The following POLE variants were observed in gnomAD, a reference collection of about 807,000 sequenced individuals.
POLE encodes DNA polymerase epsilon, catalytic subunit.
In POLE, 188 loss-of-function variants were observed where a neutral mutation model predicts 279.2. The observed-to-expected ratio is 0.67, with a 90% confidence interval of 0.60 to 0.76. The LOEUF is 0.76. Ranked by LOEUF, POLE falls within the 30% of genes least tolerant of loss-of-function variation. POLE has a pLI of 0.00. For synonymous variants in POLE, 1,214 were observed against 1,172.5 expected (o/e 1.04, Z -0.72); for missense variants, 2,703 against 3,016.7 (o/e 0.90, Z 2.44).
chr12:132,678,856 G>C (rs1342486293), intron 6 of POLE, among the ~76,000 whole-genome samples: 2 of 152,226 alleles, frequency 1.3e-5, no homozygotes, highest in Non-Finnish European at 2.9e-5. Flanking sequence ...TCAAGTCTCT[G>C]AGGACTCAGT....
chr12:132,646,805 G>A (rs368768846), intron 32 of POLE, among the ~76,000 whole-genome samples: 1 of 35,388 alleles, frequency 2.8e-5, no homozygotes, highest in African/African-American at 3.0e-4. Context: ...GACTCCAGCC[G>A]GGCAACAGGA....
In POLE at chr12:132,672,611, C is replaced by T. The variant is rs1370051272; in HGVS notation, c.1686+16G>A. ...ACAAGAGTGGGAAGAATCTGAATCCCAGGGAAGAAGCACACCATCCTAAAC... is the reference window on the plus strand; with the variant it reads ...ACAAGAGTGGGAAGAATCTGAATCCTAGGGAAGAAGCACACCATCCTAAAC... On this transcript the variant is annotated intron_variant, in intron 15 of 48. Transcript: ENST00000320574. The T allele has an allele frequency of 1.9e-6, 3 of 1,612,340 alleles. No individual in the cohort carries two copies. The highest frequency in any genetic ancestry group is 1.7e-5 in the Admixed American group (1 of 60,004).
intron 26 of POLE, among the ~76,000 whole-genome samples, chr12:132,658,881 CAAAAAAAAAAAAAAA>C (rs1167117347): frequency 5.9e-5 from 2 of 33,840 alleles, no homozygotes; most frequent in South Asian, 1.5e-3. Context: ...ATATAACCAC[CAAAAAAAAAAAAAAA>C]AAAAAAAAAA....
At chr12:132,671,198 G>A (rs1006231251) in intron 16 of POLE, among the ~76,000 whole-genome samples, 2 of 139,450 alleles carry the variant, frequency 1.4e-5, no homozygotes, top group Admixed American at 8.1e-5. Flanking sequence ...AGGAGGCAAA[G>A]GTTGCAGTAA....
At chr12:132,677,999 G>A (rs1362070913) in intron 6 of POLE, among the ~76,000 whole-genome samples, 4 of 152,082 alleles carry the variant, frequency 2.6e-5, no homozygotes, top group Non-Finnish European at 4.4e-5. Flanking sequence ...CCAACACGAC[G>A]AAACCTCATC....
In POLE at chr12:132,676,122, G is replaced by A. The variant is rs1440925386; in HGVS notation, c.992C>T (p.Pro331Leu). The A allele has an allele frequency of 6.2e-7, 1 of 1,610,886 alleles. No homozygotes were observed. The highest frequency in any genetic ancestry group is 2.2e-5 in the East Asian group (1 of 44,866). The change falls in exon 10 of 49, where the codon CCC becomes CTC. Residue 331 changes from proline (P) to leucine (L), a missense_variant. Transcript: ENST00000320574. Reference protein sequence around the residue: ...EFTPKPEYEGPFCVFNEPDEA... With the variant: ...EFTPKPEYEGLFCVFNEPDEA... ...ATCGGGTTCATTGAAGACACAAAAG[G>A]GGCCTTCATATTCTGGCTTGGGGGT...
In POLE at chr12:132,634,864, C is replaced by A. The variant is rs537840496; in HGVS notation, c.5812-486G>T. Among the ~76,000 whole-genome samples the A allele has an allele frequency of 2.3e-4, 35 of 151,930 alleles. No homozygotes were observed. Among genetic ancestry groups the A allele is most frequent in the African/African-American group, 8.5e-4 (35 of 41,402 alleles). Reference sequence around the variant, plus strand: ...CCACACGCTGATCCCCTCCTCAGAGCGGTCTACACTGCCTGAGTTTCTACC... The same window carrying A: ...CCACACGCTGATCCCCTCCTCAGAGAGGTCTACACTGCCTGAGTTTCTACC... On this transcript the variant is annotated intron_variant, in intron 42 of 48. Transcript: ENST00000320574. This position sits in a 1 kb window ranked among gnomAD's most constrained non-coding sequence, Gnocchi z 4.0.
At chr12:132,671,754 T>C (rs1261157772) in intron 16 of POLE, among the ~76,000 whole-genome samples, 3 of 150,798 alleles carry the variant, frequency 2.0e-5, no homozygotes, top group Non-Finnish European at 2.9e-5. Flanking sequence ...AGAACTGGTG[T>C]CTCCCTCTCC....
intron 12 of POLE, among the ~76,000 whole-genome samples, chr12:132,674,978 C>T (rs1014459536): frequency 7.9e-5 from 12 of 152,120 alleles, no homozygotes; most frequent in African/African-American, 2.7e-4. Flanking sequence ...CCCCGAACGC[C>T]GTGACTCTCC....
intron 29 of POLE, 33 bp from the exon 30 acceptor site, chr12:132,649,922 G>C (rs765358011): frequency 6.3e-7 from 1 of 1,597,160 alleles, no homozygotes; most frequent in South Asian, 1.1e-5. Context: ...TAAATCTCAG[G>C]ATCTCGGGCT....
chr12:132,644,303 G>A (rs1030763803), intron 32 of POLE, among the ~76,000 whole-genome samples: 1 of 149,546 alleles, frequency 6.7e-6, no homozygotes, highest in African/African-American at 2.5e-5. Flanking sequence ...CTGGGACAAG[G>A]AACACACCAC....
chr12:132,642,777 AAAG>A (rs1452675473), intron 36 of POLE, 40 bp downstream of exon 36: 6 of 1,613,136 alleles, frequency 3.7e-6, no homozygotes, highest in Non-Finnish European at 5.1e-6. Context: ...ACCCAGCCTC[AAAG>A]AAGATGGGGC....
In POLE at chr12:132,664,924, C is replaced by T. The variant is rs1390152041; in HGVS notation, c.2468+378G>A. 6.8e-6 allele frequency among the ~76,000 whole-genome samples: 1 copy of T among 146,244 alleles called. No homozygotes were observed. Among genetic ancestry groups the T allele is most frequent in the Non-Finnish European group, 1.5e-5 (1 of 66,512 alleles). ...CCGGCACCAGCCCCATGCCCCTTGT[C>T]AGTTGCTTCTCTGCCCCTCCCGGAC... On this transcript the variant is annotated intron_variant, in intron 21 of 48. Coordinates refer to ENST00000320574, the MANE Select transcript of POLE (RefSeq NM_006231.4). This position sits in a 1 kb window ranked among gnomAD's most constrained non-coding sequence, Gnocchi z 5.3.
At chr12:132,673,781 C>T (rs2042985259) in intron 12 of POLE, 74 bp from the exon 13 acceptor site, 1 of 1,565,342 alleles carries the variant, frequency 6.4e-7, no homozygotes, top group African/African-American at 1.3e-5. Flanking sequence ...ACTGGCAAAA[C>T]TGGGCACCAC....
At chr12:132,672,124 G>C (rs1406403000) in intron 16 of POLE, 91 bp downstream of exon 16, 8 of 865,136 alleles carry the variant, frequency 9.2e-6, no homozygotes, top group Admixed American at 1.8e-5. Context: ...ACCACACGCA[G>C]CAGGTGCACA....
chr12:132,657,853 G>A lies in POLE; in HGVS notation c.3378+15C>T, dbSNP rs574954983. 88 of 1,547,214 alleles carry A rather than the reference G, an allele frequency of 5.7e-5. No individual in the cohort carries two copies. In the South Asian group the frequency reaches 9.1e-4, roughly 16 times the overall value. On this transcript the variant is annotated intron_variant, in intron 27 of 48. Transcript: ENST00000320574. ...TTGTAAACTTTTAAGAGTAGAGAACGCAACTGGCACTCACTGCTCGAATAT... is the reference window on the plus strand; with the variant it reads ...TTGTAAACTTTTAAGAGTAGAGAACACAACTGGCACTCACTGCTCGAATAT...
Position 132,633,212 on chromosome 12 carries a change from G to A in POLE, c.6005-417C>T, listed in dbSNP as rs116542191. ...CAGTTTCATTCTTGTTGCCCAGACT[G>A]TAGTGCAATGGCGCAATCTCAGCTC... On this transcript the variant is annotated intron_variant, in intron 43 of 48. Coordinates refer to ENST00000320574, the MANE Select transcript of POLE (RefSeq NM_006231.4). 816 of 158,474 alleles carry A rather than the reference G, an allele frequency of 5.1e-3. 7 individuals are homozygous for A. The highest frequency in any genetic ancestry group is 0.019 in the African/African-American group (754 of 39,352). 9.8% of individuals were successfully genotyped at this position (158,474 alleles called of 1,614,324 possible).
At position 132,672,278 on chromosome 12, in the gene POLE, G is replaced by C. The variant is rs1164316162; in HGVS notation, c.1731C>G (p.Thr577=). The C allele has an allele frequency of 5.0e-6, 8 of 1,614,214 alleles. No individual in the cohort carries two copies. The highest frequency in any genetic ancestry group is 1.3e-5 in the African/African-American group (1 of 75,062). ...FDFLLQRVEK[T]LRHALEEEEK... ...CCTCTTCCTCAAGGGCGTGGCGCAA[G>C]GTCTTCTCAACCCGCTGCAGCAGGA... The change falls in exon 16 of 49, where the codon ACC becomes ACG. Residue 577 remains threonine, a synonymous_variant. Transcript: ENST00000320574.
chr12:132,649,666 G>A lies in POLE; in HGVS notation c.3795+11C>T, dbSNP rs2042374591. The A allele has an allele frequency of 6.2e-7, 1 of 1,613,546 alleles. No individual in the cohort carries two copies. The highest frequency in any genetic ancestry group is 2.2e-5 in the East Asian group (1 of 44,876). On this transcript the variant is annotated intron_variant, in intron 30 of 48. Coordinates refer to ENST00000320574, the MANE Select transcript of POLE (RefSeq NM_006231.4). ...CTCAGAGACAGACAGTATCACAGCT[G>A]TGTGCCTTACCTGGCTGGTTCCCAG...
Sources: gnomAD v4.1 joint callset for allele counts (sites outside exome capture counted in the v4.1 genomes callset) on GRCh38, gnomAD v4.1.1 for gene constraint, Gnocchi (gnomAD v3.1) non-coding constraint, MANE v1.5 for transcripts, NCBI Gene and HGNC (gene_info 2026-07-23, HGNC 2026-07-21) for gene names.